The following PDGFD variants were observed in gnomAD, a reference collection of about 807,000 sequenced individuals.
The protein encoded by PDGFD is platelet derived growth factor D, also known as platelet-derived growth factor D.
A neutral mutation model predicts 44.7 loss-of-function variants in PDGFD; 30 were observed. The observed-to-expected ratio is 0.67, with a 90% CI of 0.50 to 0.91. The LOEUF is 0.91. Among genes scored for constraint, PDGFD ranks in the 40% least tolerant of loss-of-function variants. The pLI, the probability that PDGFD is intolerant of heterozygous loss-of-function variation, is 0.00. For missense variants in PDGFD, 445 were observed against 457.8 expected (o/e 0.97, Z 0.25); for synonymous variants, 173 against 168.4 (o/e 1.03, Z -0.21).
chr11:104,137,728 C>CTTTTTT (rs5794295), intron 1 of PDGFD, among the ~76,000 whole-genome samples: 1 of 76,618 alleles, frequency 1.3e-5, no homozygotes, highest in Non-Finnish European at 2.5e-5. Flanking sequence ...TAGATCACCA[C>CTTTTTT]TTTTTTTTTT....
chr11:103,936,706 C>T (rs1456509061), intron 5 of PDGFD, among the ~76,000 whole-genome samples: 1 of 152,100 alleles, frequency 6.6e-6, no homozygotes, highest in Non-Finnish European at 1.5e-5. Flanking sequence ...ACAGTTGTAA[C>T]ATCTAACCAT....
At chr11:104,087,189 T>C (rs1393612670) in intron 1 of PDGFD, among the ~76,000 whole-genome samples, 6 of 111,024 alleles carry the variant, frequency 5.4e-5, no homozygotes, top group African/African-American at 1.4e-4. Flanking sequence ...CCACCACAAC[T>C]GGCTAATTTT....
chr11:104,048,970 C>G (rs1240410644), intron 1 of PDGFD, among the ~76,000 whole-genome samples: 1 of 152,138 alleles, frequency 6.6e-6, no homozygotes, highest in African/African-American at 2.4e-5. Flanking sequence ...AAGAATTAAA[C>G]AACATCTCCA....
intron 1 of PDGFD, among the ~76,000 whole-genome samples, chr11:104,083,597 C>CA (rs556538035): frequency 2.0e-3 from 303 of 152,136 alleles, no homozygotes; most frequent in Non-Finnish European, 3.9e-3. Flanking sequence ...AAACGACCAA[C>CA]AAAAAAATTC....
intron 1 of PDGFD, among the ~76,000 whole-genome samples, chr11:104,027,043 C>T (rs772766666): frequency 6.6e-5 from 10 of 152,170 alleles, no homozygotes; most frequent in African/African-American, 2.4e-4. Context: ...TCTATAAGCA[C>T]CTTATGAACA....
At chr11:103,955,660 T>G (rs984851599) in intron 3 of PDGFD, among the ~76,000 whole-genome samples, 6 of 152,174 alleles carry the variant, frequency 3.9e-5, no homozygotes, top group Non-Finnish European at 7.4e-5. Flanking sequence ...AGTCTAAGAA[T>G]CAATAATTAA....
At chr11:104,033,299 T>A (rs1024278408) in intron 1 of PDGFD, among the ~76,000 whole-genome samples, 9 of 152,000 alleles carry the variant, frequency 5.9e-5, no homozygotes, top group Admixed American at 3.9e-4. Context: ...GCAACAGATA[T>A]AAGGGGTGGA....
intron 1 of PDGFD, among the ~76,000 whole-genome samples, chr11:104,034,449 C>A (rs1232868885): frequency 2.0e-5 from 3 of 152,002 alleles, no homozygotes; most frequent in South Asian, 4.1e-4. Context: ...GAAACAGGAG[C>A]CAAAAAATAA....
chr11:104,130,492 T>C (rs1183601085), intron 1 of PDGFD, among the ~76,000 whole-genome samples: 2 of 152,126 alleles, frequency 1.3e-5, no homozygotes, highest in Non-Finnish European at 2.9e-5. Context: ...TAGAGAGATA[T>C]TAGCTCTGGA....
At chr11:104,100,306 C>G (rs1360394934) in intron 1 of PDGFD, among the ~76,000 whole-genome samples, 1 of 152,110 alleles carries the variant, frequency 6.6e-6, no homozygotes, top group Non-Finnish European at 1.5e-5. Context: ...CACAGAAATA[C>G]AAACTACCAT....
At chr11:103,968,959 A>G (rs1859060388) in intron 3 of PDGFD, among the ~76,000 whole-genome samples, 1 of 152,118 alleles carries the variant, frequency 6.6e-6, no homozygotes, top group African/African-American at 2.4e-5. Flanking sequence ...TTCTCTTTGC[A>G]TGGAAAGTTC....
intron 1 of PDGFD, among the ~76,000 whole-genome samples, chr11:104,005,144 G>T (rs1427329658): frequency 2.0e-5 from 3 of 152,114 alleles, no homozygotes; most frequent in Non-Finnish European, 2.9e-5. Flanking sequence ...CTCCTAAAGT[G>T]CTGGGATTAC....
chr11:104,132,141 A>G (rs1861933016), intron 1 of PDGFD, among the ~76,000 whole-genome samples: 1 of 152,002 alleles, frequency 6.6e-6, no homozygotes, highest in Admixed American at 6.6e-5. Context: ...ATTGTATGAA[A>G]TTCATATCAC....
intron 3 of PDGFD, among the ~76,000 whole-genome samples, chr11:103,969,590 A>G (rs1037552392): frequency 1.3e-5 from 2 of 150,942 alleles, no homozygotes; most frequent in South Asian, 2.1e-4. Context: ...TGTGAAAATA[A>G]TATCTTCTCT....
intron 1 of PDGFD, among the ~76,000 whole-genome samples, chr11:104,095,314 C>G (rs1002883141): frequency 3.3e-5 from 5 of 151,960 alleles, no homozygotes; most frequent in African/African-American, 1.2e-4. Context: ...ATACGCAGCA[C>G]TTAGCACAGT....
chr11:104,045,094 A>G (rs552745800), intron 1 of PDGFD, among the ~76,000 whole-genome samples: 5 of 152,278 alleles, frequency 3.3e-5, no homozygotes, highest in Middle Eastern at 3.4e-3. Context: ...GTATCCCTAC[A>G]TTCCTGGGGC....
intron 1 of PDGFD, among the ~76,000 whole-genome samples, chr11:104,078,424 G>A (rs549016404): frequency 5.3e-5 from 8 of 152,166 alleles, no homozygotes; most frequent in African/African-American, 1.4e-4. Context: ...TTCTACTGCA[G>A]GCTACGTCTT....
intron 1 of PDGFD, among the ~76,000 whole-genome samples, chr11:104,162,200 T>C (rs1441137936): frequency 6.6e-6 from 1 of 152,036 alleles, no homozygotes; most frequent in Non-Finnish European, 1.5e-5. Context: ...GTCAGAATCT[T>C]GGGTTAATGG....
At chr11:104,088,997 G>A (rs1436858675) in intron 1 of PDGFD, among the ~76,000 whole-genome samples, 3 of 152,086 alleles carry the variant, frequency 2.0e-5, no homozygotes, top group Non-Finnish European at 4.4e-5. Flanking sequence ...CACCTTTAAG[G>A]ACTTCCAAAA....
Sources: allele counts gnomAD v4.1 joint callset (sites outside exome capture counted in the v4.1 genomes callset), GRCh38; gene constraint gnomAD v4.1.1; transcripts MANE v1.5; gene names NCBI Gene and HGNC (gene_info 2026-07-23, HGNC 2026-07-21).